The following SEMA3A variants were observed in gnomAD, a reference collection of about 807,000 sequenced individuals.
The protein encoded by SEMA3A is semaphorin-3A.
SEMA3A carries 29 observed loss-of-function variants against 97.9 expected under a neutral mutation model. The observed-to-expected ratio is 0.30, with a 90% CI of 0.22 to 0.40. The LOEUF is 0.40. SEMA3A is among the 10% of genes least tolerant of loss of function. The probability of loss-of-function intolerance (pLI) is 1.00; values close to 1 mark genes in which losing one functional copy is unlikely to be tolerated. For missense variants in SEMA3A, 763 were observed against 951.3 expected, an observed-to-expected ratio of 0.80 and a Z score of 2.60; for synonymous variants, 321 against 323.7, an observed-to-expected ratio of 0.99 and a Z score of 0.09.
rs1336594744 is a variant in SEMA3A, at chr7:83,956,594, C to CATAT, written c.*4773_*4776dup. The CATAT allele has an allele frequency of 2.0e-5, 3 of 152,012 alleles. No individual in the cohort carries two copies. Among genetic ancestry groups the CATAT allele is most frequent in the Non-Finnish European group, 4.4e-5 (3 of 68,002 alleles). The allele number at this position is 152,012 out of a possible 1,614,324, so 9.4% of individuals were successfully genotyped here. A position where few individuals can be genotyped will look rare whatever the true frequency, so the allele number is the denominator to read the frequency against. Reference sequence around the variant, plus strand: ...GAAGTGTAGGAGGCTGAATGTGTGACATATGACAGTCTGTGCCAAGGATGC... The same window carrying CATAT: ...GAAGTGTAGGAGGCTGAATGTGTGACATATATATGACAGTCTGTGCCAAGGATGC... On this transcript the variant is annotated 3_prime_UTR_variant, in exon 17 of 17. Coordinates refer to ENST00000265362, the MANE Select transcript of SEMA3A (RefSeq NM_006080.3).
intron 15 of SEMA3A, among the ~76,000 whole-genome samples, chr7:83,966,577 A>G (rs1788700503): frequency 6.6e-6 from 1 of 152,214 alleles, no homozygotes. Flanking sequence ...CGGTGAGGCT[A>G]AAAGCCCTGT....
intron 3 of SEMA3A, among the ~76,000 whole-genome samples, chr7:84,219,130 AC>A: frequency 6.6e-6 from 1 of 152,258 alleles, no homozygotes; most frequent in Middle Eastern, 3.4e-3. Flanking sequence ...AATAAAATAA[AC>A]CAGTGACAAA....
chr7:84,431,230 A>G (rs1804971710), intron 1 of SEMA3A, among the ~76,000 whole-genome samples: 1 of 152,044 alleles, frequency 6.6e-6, no homozygotes, highest in South Asian at 2.1e-4. Context: ...AGGATTTTTC[A>G]AACAATTATA....
intron 1 of SEMA3A, among the ~76,000 whole-genome samples, chr7:84,478,883 T>C (rs973200531): frequency 6.6e-6 from 1 of 152,074 alleles, no homozygotes; most frequent in Non-Finnish European, 1.5e-5. Context: ...TTATAAATTT[T>C]CTAAGTTAAA....
intron 3 of SEMA3A, among the ~76,000 whole-genome samples, chr7:84,112,448 C>A (rs1189807629): frequency 6.6e-6 from 1 of 152,100 alleles, no homozygotes; most frequent in Non-Finnish European, 1.5e-5. Flanking sequence ...TCCACAAACC[C>A]CAATTTTTCA....
intron 7 of SEMA3A, among the ~76,000 whole-genome samples, chr7:84,012,776 G>A (rs188310218): frequency 1.2e-3 from 185 of 152,112 alleles, no homozygotes; most frequent in African/African-American, 4.2e-3. Flanking sequence ...CTACTATTGA[G>A]GTATGTGTTT....
rs190105225 is a variant in SEMA3A, at chr7:84,025,873, C to T, written c.668-11522G>A. Among the ~76,000 whole-genome samples the T allele has an allele frequency of 2.1e-4, 32 of 152,284 alleles. No individual in the cohort carries two copies. The East Asian group carries it at 3.3e-3, about 16-fold the overall frequency. On this transcript the variant is annotated intron_variant, in intron 6 of 16. Coordinates refer to ENST00000265362, the MANE Select transcript of SEMA3A (RefSeq NM_006080.3). ...GGCAGAGCCAGGGCATAACAAGAGC[C>T]GAGTTCCTTCTACTGCCTCAAGCTA...
chr7:84,214,584 G>C (rs930012537), intron 3 of SEMA3A, among the ~76,000 whole-genome samples: 1 of 151,950 alleles, frequency 6.6e-6, no homozygotes, highest in Non-Finnish European at 1.5e-5. Flanking sequence ...TCCTAGGATA[G>C]AAGCCCTAAG....
intron 3 of SEMA3A, among the ~76,000 whole-genome samples, chr7:84,116,651 G>A (rs1273977555): frequency 2.6e-5 from 4 of 152,134 alleles, no homozygotes; most frequent in African/African-American, 9.7e-5. Flanking sequence ...ACTGGCTGGT[G>A]TCTCTATAAG....
At chr7:84,323,750 G>A (rs1054458635) in intron 2 of SEMA3A, among the ~76,000 whole-genome samples, 1 of 152,038 alleles carries the variant, frequency 6.6e-6, no homozygotes, top group African/African-American at 2.4e-5. Flanking sequence ...CATCATGGTT[G>A]ATTACCATCA....
intron 1 of SEMA3A, among the ~76,000 whole-genome samples, chr7:84,425,835 A>ATAAT (rs1406155858): frequency 7.9e-6 from 1 of 126,308 alleles, no homozygotes; most frequent in African/African-American, 2.9e-5. Flanking sequence ...ATATATATAT[A>ATAAT]ATATATAATG....
At chr7:84,333,101 C>T (rs374154028) in intron 2 of SEMA3A, among the ~76,000 whole-genome samples, 8 of 152,090 alleles carry the variant, frequency 5.3e-5, no homozygotes, top group Admixed American at 6.6e-5. Context: ...TGGAGCATGT[C>T]TTATATAAGA....
chr7:84,387,368 G>A (rs1220628084), intron 1 of SEMA3A, among the ~76,000 whole-genome samples: 1 of 152,086 alleles, frequency 6.6e-6, no homozygotes, highest in Non-Finnish European at 1.5e-5. Context: ...TATTTTAAAT[G>A]CTCTGAAAAT....
At chr7:84,418,639 C>T (rs912619550) in intron 1 of SEMA3A, among the ~76,000 whole-genome samples, 2 of 152,040 alleles carry the variant, frequency 1.3e-5, no homozygotes, top group Non-Finnish European at 2.9e-5. Flanking sequence ...GGCTTCCTCT[C>T]CTCCTGCCCT....
chr7:83,981,890 C>G (rs1313448598), intron 13 of SEMA3A, among the ~76,000 whole-genome samples: 1 of 152,096 alleles, frequency 6.6e-6, no homozygotes, highest in Non-Finnish European at 1.5e-5. Context: ...TCTGACTTCT[C>G]AGTACCCTAT....
intron 3 of SEMA3A, among the ~76,000 whole-genome samples, chr7:84,243,301 T>C (rs181532660): frequency 1.3e-5 from 2 of 152,318 alleles, no homozygotes; most frequent in African/African-American, 4.8e-5. Context: ...TGGTAGGCTA[T>C]TAATTACTGC....
intron 1 of SEMA3A, among the ~76,000 whole-genome samples, chr7:84,154,533 G>A (rs1441231624): frequency 1.3e-5 from 2 of 151,710 alleles, no homozygotes; most frequent in South Asian, 2.1e-4. Context: ...AAAATTAGCC[G>A]GGCATGGTGG....
At chr7:84,228,339 T>G (rs1283163044) in intron 3 of SEMA3A, among the ~76,000 whole-genome samples, 1 of 152,142 alleles carries the variant, frequency 6.6e-6, no homozygotes, top group African/African-American at 2.4e-5. Context: ...TATTCTGTAC[T>G]TATTTAGCAT....
rs919052364 is a variant in SEMA3A at position 84,409,321 on chromosome 7, T to A, written c.-245-37421A>T. ...GTACCCCATAAATATATACAACTAT[T>A]ATGAATCAATTTTTTAAAATAAAAA... is the stretch of plus-strand genomic sequence containing the variant. On this transcript the variant is annotated intron_variant, in intron 1 of 3. Coordinates refer to the SEMA3A transcript ENST00000424555. Among the ~76,000 whole-genome samples the A allele has an allele frequency of 1.7e-4, 26 of 151,850 alleles. 1 individual carries two copies. Among genetic ancestry groups the A allele is most frequent in the Admixed American group, 2.6e-4 (4 of 15,220 alleles).
Sources: allele counts gnomAD v4.1 joint callset (sites outside exome capture counted in the v4.1 genomes callset), GRCh38; gene constraint gnomAD v4.1.1; transcripts MANE v1.5; gene names NCBI Gene and HGNC (gene_info 2026-07-23, HGNC 2026-07-21).